The following ZNF529 variants were observed in gnomAD, a reference collection of about 807,000 sequenced individuals.
The protein encoded by ZNF529 is zinc finger protein 529.
ZNF529 carries 11 observed loss-of-function variants against 10.1 expected under a neutral mutation model. That is an observed-to-expected ratio of 1.09 (90% CI 0.69 to 1.81). ZNF529 has a LOEUF of 1.81. ZNF529 is among the 40% of genes most tolerant of loss of function. ZNF529 has a pLI of 0.00. For synonymous variants in ZNF529, 204 were observed against 215.7 expected, an observed-to-expected ratio of 0.95 and a Z score of 0.47; for missense variants, 624 against 666.8, an observed-to-expected ratio of 0.94 and a Z score of 0.71.
intron 4 of ZNF529, among the ~76,000 whole-genome samples, chr19:36,552,951 A>G (rs773944313): frequency 6.6e-6 from 1 of 152,184 alleles, no homozygotes; most frequent in African/African-American, 2.4e-5. Context: ...GAAGCAGTAT[A>G]ATAGTTAAAA....
At chr19:36,578,825 T>A (rs1256106049) in intron 2 of ZNF529, among the ~76,000 whole-genome samples, 1 of 151,146 alleles carries the variant, frequency 6.6e-6, no homozygotes, top group Non-Finnish European at 1.5e-5. Flanking sequence ...CTCGAACTCC[T>A]GACTTCAAGT....
chr19:36,572,937 A>T (rs1004697395), intron 1 of ZNF529: 1 of 154,192 alleles, frequency 6.5e-6, no homozygotes, highest in African/African-American at 2.4e-5. Flanking sequence ...AAAAAAACAA[A>T]AAAACACTTC....
chr19:36,576,371 C>T (rs747235830), upstream of ZNF529, among the ~76,000 whole-genome samples: 3 of 152,052 alleles, frequency 2.0e-5, no homozygotes, highest in Non-Finnish European at 4.4e-5. Context: ...AGTCAGATAA[C>T]GATGTTGCCT....
chr19:36,548,255 A>C lies in ZNF529; in HGVS notation c.303T>G (p.Ser101=). ...TGCTACTTTCCATTACCTCCCACTG[A>C]GAACCAGTGTTTTGAATAATATCTT... ...VGKDIIQNTG[S]QWEVMESSKL... The change falls in exon 5 of 5, where the codon TCT becomes TCG. Residue 101 remains serine, a synonymous_variant. Coordinates refer to ENST00000591340, the MANE Select transcript of ZNF529 (RefSeq NM_020951.5). 6.2e-7 allele frequency: 1 copy of C among 1,613,440 alleles called. No homozygotes were observed. Among genetic ancestry groups the C allele is most frequent in the Admixed American group, 1.7e-5 (1 of 59,906 alleles).
chr19:36,579,761 G>A (rs1312888062), intron 2 of ZNF529, among the ~76,000 whole-genome samples: 1 of 152,192 alleles, frequency 6.6e-6, no homozygotes, highest in Non-Finnish European at 1.5e-5. Flanking sequence ...AGTGAGTTGT[G>A]AGAGAATGCT....
Position 36,596,927 on chromosome 19 carries a change from G to A in ZNF529, c.-127-7226C>T, listed in dbSNP as rs191465564. Among the ~76,000 whole-genome samples, 292 of 152,212 alleles carry A rather than the reference G, an allele frequency of 1.9e-3. 2 individuals carry two copies. Among genetic ancestry groups the A allele is most frequent in the African/African-American group, 6.8e-3 (284 of 41,528 alleles). ...CTCGCTCTGTCACCCAAGCTGGAGT[G>A]CAGTGGCTCAATCACAGCTCACTGC... On this transcript the variant is annotated intron_variant, in intron 1 of 4. Coordinates refer to the ZNF529 transcript ENST00000585960.
chr19:36,574,830 A>G, upstream of ZNF529: 1 of 470,976 alleles, frequency 2.1e-6, no homozygotes, highest in Non-Finnish European at 4.4e-6. Flanking sequence ...GGTTTTATAC[A>G]TTACGAATAA....
At chr19:36,557,335 G>A (rs2035515969) in intron 2 of ZNF529, among the ~76,000 whole-genome samples, 1 of 152,122 alleles carries the variant, frequency 6.6e-6, no homozygotes, top group Non-Finnish European at 1.5e-5. Context: ...CTGCTATAAG[G>A]ATATACCCAA....
At chr19:36,570,227 G>A (rs2036048955) in intron 2 of ZNF529, among the ~76,000 whole-genome samples, 2 of 151,758 alleles carry the variant, frequency 1.3e-5, no homozygotes, top group Non-Finnish European at 2.9e-5. Flanking sequence ...CGGGTGTTGT[G>A]GTGTGTGCCT....
chr19:36,557,021 T>A (rs1600267461), intron 2 of ZNF529, among the ~76,000 whole-genome samples: 2 of 152,158 alleles, frequency 1.3e-5, no homozygotes, highest in African/African-American at 4.8e-5. Context: ...GGGAAGACAT[T>A]CTATTGTCAG....
Position 36,547,542 on chromosome 19 carries a change from T to C in ZNF529, c.1016A>G (p.Lys339Arg). 1 of 1,613,308 alleles carries C rather than the reference T, an allele frequency of 6.2e-7. No individual in the cohort carries two copies. Among genetic ancestry groups the C allele is most frequent in the East Asian group, 2.2e-5 (1 of 44,860 alleles). ...QRIHTGEKPY[K>R]CMHCEKVFRI... ...AAAAACCTTCTCACAGTGCATACAT[T>C]TGTAGGGTTTCTCACCAGTATGAAT... The change falls in exon 5 of 5, where the codon AAA (lysine) becomes AGA (arginine). Residue 339 changes from lysine to arginine, a missense_variant. Lys to Arg is a conservative substitution (Grantham distance 26). Transcript: ENST00000591340.
chr19:36,572,733 T>C (rs181104917), intron 1 of ZNF529, among the ~76,000 whole-genome samples: 1 of 151,060 alleles, frequency 6.6e-6, no homozygotes, highest in Non-Finnish European at 1.5e-5. Context: ...TATCTATCTA[T>C]CTATCTATCT....
At chr19:36,600,463 T>G (rs2036905595) in intron 1 of ZNF529, among the ~76,000 whole-genome samples, 1 of 152,198 alleles carries the variant, frequency 6.6e-6, no homozygotes, top group Admixed American at 6.6e-5. Context: ...TTATATGATA[T>G]TCCATCTTAT....
At chr19:36,591,889 C>A (rs1353880669) in intron 1 of ZNF529, among the ~76,000 whole-genome samples, 1 of 151,904 alleles carries the variant, frequency 6.6e-6, no homozygotes. Flanking sequence ...TTTTTTGAGG[C>A]CAGTACTACC....
At chr19:36,572,419 T>A (rs2036155333) in intron 1 of ZNF529, 27 bp from the exon 2 acceptor site, 2 of 1,520,524 alleles carry the variant, frequency 1.3e-6, no homozygotes, top group East Asian at 4.9e-5. Context: ...GAGAAAGGAC[T>A]CATGACATCC....
chr19:36,586,862 A>G (rs2036590300), intron 2 of ZNF529, among the ~76,000 whole-genome samples: 1 of 152,152 alleles, frequency 6.6e-6, no homozygotes, highest in Non-Finnish European at 1.5e-5. Context: ...TAATGCTTAA[A>G]CTCATCTCTG....
chr19:36,601,392 C>T (rs921667191), intron 1 of ZNF529, among the ~76,000 whole-genome samples: 1 of 152,068 alleles, frequency 6.6e-6, no homozygotes, highest in African/African-American at 2.4e-5. Flanking sequence ...GTGTGAGTCA[C>T]TGCGCCCGGC....
chr19:36,585,480 T>C (rs1374271008), intron 2 of ZNF529, among the ~76,000 whole-genome samples: 1 of 152,198 alleles, frequency 6.6e-6, no homozygotes, highest in African/African-American at 2.4e-5. Flanking sequence ...CATTCTCTTC[T>C]GATGTAAAAT....
intron 1 of ZNF529, among the ~76,000 whole-genome samples, chr19:36,604,192 C>A (rs1985980): frequency 0.69 from 104,531 of 151,946 alleles, 36,318 homozygotes; most frequent in African/African-American, 0.77. Flanking sequence ...CACACACACA[C>A]AAAATCTTTG....
Sources: gnomAD v4.1 joint callset for allele counts (sites outside exome capture counted in the v4.1 genomes callset) on GRCh38, gnomAD v4.1.1 for gene constraint, MANE v1.5 for transcripts, NCBI Gene and HGNC (gene_info 2026-07-23, HGNC 2026-07-21) for gene names.